TMCC1: variants seen among roughly 807,000 people sequenced by gnomAD.
TMCC1 encodes transmembrane and coiled-coil domain family 1.
Under a neutral mutation model 52.4 loss-of-function variants are expected in TMCC1, and 15 were observed. The observed-to-expected ratio is 0.29, with a 90% CI of 0.19 to 0.44. The LOEUF (loss-of-function observed/expected upper bound fraction) is 0.44, where lower values mean the gene tolerates loss of function less well. Ranked by LOEUF, TMCC1 falls within the 20% of genes least tolerant of loss-of-function variation. The pLI, the probability that TMCC1 is intolerant of heterozygous loss-of-function variation, is 1.00. For missense variants in TMCC1, 503 were observed against 806.0 expected, an observed-to-expected ratio of 0.62 and a Z score of 4.55; for synonymous variants, 279 against 301.9, an observed-to-expected ratio of 0.92 and a Z score of 0.79.
chr3:129,655,130 T>C, intron 5 of TMCC1, 27 bp from the exon 6 acceptor site: 1 of 1,604,252 alleles, frequency 6.2e-7, no homozygotes. Flanking sequence ...AGTTTAGAAT[T>C]TTATGAATTC....
chr3:129,680,827 G>T (rs1023411180), intron 4 of TMCC1, among the ~76,000 whole-genome samples: 3 of 151,998 alleles, frequency 2.0e-5, no homozygotes, highest in African/African-American at 4.8e-5. Context: ...CTTGAACCGG[G>T]GGGTGGAGGT....
At chr3:129,653,010 A>T (rs1474085330) in intron 6 of TMCC1, among the ~76,000 whole-genome samples, 1 of 152,234 alleles carries the variant, frequency 6.6e-6, no homozygotes, top group Non-Finnish European at 1.5e-5. Flanking sequence ...AAAATATTTT[A>T]CAGGGTTTGG....
intron 2 of TMCC1, among the ~76,000 whole-genome samples, chr3:129,865,765 A>G (rs1030460782): frequency 1.3e-5 from 2 of 152,232 alleles, no homozygotes; most frequent in African/African-American, 4.8e-5. Flanking sequence ...CAAGTTTTGT[A>G]GACTGGTTGG....
intron 4 of TMCC1, among the ~76,000 whole-genome samples, chr3:129,725,118 TTC>T (rs2049970347): frequency 6.6e-6 from 1 of 152,194 alleles, no homozygotes; most frequent in Non-Finnish European, 1.5e-5. Flanking sequence ...CAATTTCATT[TTC>T]TTTTTCTTTT....
intron 4 of TMCC1, among the ~76,000 whole-genome samples, chr3:129,726,666 G>A (rs2107605660): frequency 6.6e-6 from 1 of 151,088 alleles, no homozygotes; most frequent in South Asian, 2.1e-4. Flanking sequence ...ATCACCTGAG[G>A]TCAAGAGTTC....
intron 4 of TMCC1, among the ~76,000 whole-genome samples, chr3:129,770,149 G>A (rs1333886824): frequency 6.6e-6 from 1 of 152,126 alleles, no homozygotes; most frequent in African/African-American, 2.4e-5. Context: ...GGCTTCAAGG[G>A]ATCTTGTATT....
intron 4 of TMCC1, among the ~76,000 whole-genome samples, chr3:129,767,277 A>G (rs1052532285): frequency 8.6e-5 from 13 of 150,878 alleles, no homozygotes; most frequent in African/African-American, 2.9e-4. Flanking sequence ...AAAAAAAAAA[A>G]GATACAAGGC....
intron 4 of TMCC1, among the ~76,000 whole-genome samples, chr3:129,715,636 TC>T (rs1379915440): frequency 6.6e-5 from 10 of 152,318 alleles, no homozygotes; most frequent in Middle Eastern, 6.8e-3. Context: ...ATATTGACAT[TC>T]CTTATTTTCC....
intron 4 of TMCC1, among the ~76,000 whole-genome samples, chr3:129,712,422 G>T (rs575090994): frequency 1.3e-5 from 2 of 152,088 alleles, no homozygotes; most frequent in Non-Finnish European, 2.9e-5. Flanking sequence ...AGTTAAAGAC[G>T]CAAGTCTCTT....
At chr3:129,734,023 A>G (rs986770396) in intron 4 of TMCC1, among the ~76,000 whole-genome samples, 6 of 152,226 alleles carry the variant, frequency 3.9e-5, no homozygotes, top group Non-Finnish European at 8.8e-5. Flanking sequence ...GAAGATGAAT[A>G]TACTGTATAA....
rs894194477 is a variant in TMCC1 at position 129,818,163 on chromosome 3, G to A, written c.576+9640C>T. Among the ~76,000 whole-genome samples the A allele has an allele frequency of 4.0e-5, 6 of 151,680 alleles. No individual in the cohort carries two copies. In the South Asian group the frequency reaches 6.3e-4, roughly 16 times the overall value. ...TTCACCATGTTGGTAAGCTGGTCTC[G>A]AACTCCCAACCTCAAGTGATCCACC... On this transcript the variant is annotated intron_variant, in intron 4 of 6. Coordinates refer to ENST00000393238, the MANE Select transcript of TMCC1 (RefSeq NM_001017395.5).
At chr3:129,865,316 A>AT (rs113450240) in intron 2 of TMCC1, among the ~76,000 whole-genome samples, 675 of 139,836 alleles carry the variant, frequency 4.8e-3, no homozygotes, top group Middle Eastern at 0.011. Flanking sequence ...ACACCACATC[A>AT]TTTTTTTTTT....
chr3:129,714,650 G>C (rs139671927), intron 4 of TMCC1, among the ~76,000 whole-genome samples: 1 of 152,190 alleles, frequency 6.6e-6, no homozygotes, highest in East Asian at 1.9e-4. Context: ...TGCAATCAGG[G>C]TATAATTAAA....
Position 129,828,417 on chromosome 3 carries a change from T to A in TMCC1, c.-39A>T, listed in dbSNP as rs763177651. On this transcript the variant is annotated 5_prime_UTR_variant, in exon 4 of 7. Transcript: ENST00000393238. The surrounding 1 kb of genome is among the most constrained non-coding windows in gnomAD (Gnocchi z 4.1). ...ATGCTTATTTGCAAACTCAAAAAAA[T>A]TTTTTAAACACACCAAGAGTGTCAA... 47 of 1,579,270 alleles carry A rather than the reference T, an allele frequency of 3.0e-5. No individual in the cohort carries two copies. The highest frequency in any genetic ancestry group is 3.4e-5 in the Non-Finnish European group (40 of 1,161,970).
intron 4 of TMCC1, among the ~76,000 whole-genome samples, chr3:129,696,781 T>C (rs1257292087): frequency 2.0e-5 from 3 of 152,192 alleles, no homozygotes; most frequent in African/African-American, 7.2e-5. Flanking sequence ...ATGAAGGGGC[T>C]ACAGGCCCCA....
chr3:129,700,377 A>G (rs2047731473), intron 4 of TMCC1, among the ~76,000 whole-genome samples: 1 of 152,240 alleles, frequency 6.6e-6, no homozygotes. Flanking sequence ...AATACTAGTC[A>G]TCTTTACTGT....
At chr3:129,890,897 C>T (rs955320549) in intron 1 of TMCC1, among the ~76,000 whole-genome samples, 18 of 152,192 alleles carry the variant, frequency 1.2e-4, no homozygotes, top group African/African-American at 4.3e-4. Flanking sequence ...AACTCCACTG[C>T]AGTCTTACTC....
chr3:129,728,806 C>T (rs1392835768), intron 4 of TMCC1, among the ~76,000 whole-genome samples: 1 of 152,166 alleles, frequency 6.6e-6, no homozygotes, highest in Non-Finnish European at 1.5e-5. Context: ...CTGAGAGTGT[C>T]ACATAAACAG....
In TMCC1 at chr3:129,654,038, C is replaced by A. The variant is rs954772209; in HGVS notation, c.1647+930G>T. Among the ~76,000 whole-genome samples the A allele has an allele frequency of 1.7e-4, 26 of 152,074 alleles. 1 individual carries two copies. The South Asian group carries it at 5.2e-3, about 30-fold the overall frequency. On this transcript the variant is annotated intron_variant, in intron 6 of 6. Coordinates refer to ENST00000393238, the MANE Select transcript of TMCC1 (RefSeq NM_001017395.5). ...TTCCCACACCTCCCCCCAACCCCCC[C>A]AAAAAAAGTGTCTGTTCTCCTCAAG...
Sources: allele counts gnomAD v4.1 joint callset (sites outside exome capture counted in the v4.1 genomes callset), GRCh38; gene constraint gnomAD v4.1.1; non-coding constraint Gnocchi (gnomAD v3.1); transcripts MANE v1.5; gene names NCBI Gene and HGNC (gene_info 2026-07-23, HGNC 2026-07-21).